Variants in ZNF827 observed in about 807,000 individuals in gnomAD.
ZNF827 encodes the protein zinc finger protein 827.
A neutral mutation model predicts 102.4 loss-of-function variants in ZNF827; 13 were observed. The ratio of observed to expected loss-of-function variants is 0.13; its 90% CI spans 0.08 to 0.20. The LOEUF (loss-of-function observed/expected upper bound fraction) is 0.20. Among genes scored for constraint, ZNF827 ranks in the 10% least tolerant of loss-of-function variants. The pLI is 1.00. For synonymous variants in ZNF827, 523 were observed against 536.2 expected (o/e 0.98, Z 0.34); for missense variants, 1,103 against 1,344.4 (o/e 0.82, Z 2.81).
At chr4:145,829,920 C>T (rs1258746328) in intron 7 of ZNF827, among the ~76,000 whole-genome samples, 1 of 152,138 alleles carries the variant, frequency 6.6e-6, no homozygotes, top group African/African-American at 2.4e-5. Context: ...TCACTTAGAC[C>T]TTGAGAAACC....
intron 7 of ZNF827, chr4:145,830,676 CAT>C (rs1347868528): frequency 6.6e-6 from 1 of 152,048 alleles, no homozygotes; most frequent in Non-Finnish European, 1.5e-5. Context: ...TGTTGTATAA[CAT>C]ATTTATAAGT....
At position 145,902,818 on chromosome 4, in the gene ZNF827, G is replaced by C. The variant is rs369114633; in HGVS notation, c.441C>G (p.Pro147=). ...AATANGRVES[P]VNVGSNLSFS... The stretch of plus-strand genomic sequence containing the variant: ...AGGAGAGGTTCGAGCCAACGTTTAC[G>C]GGGGACTCCACTCTGCCATTAGCCG... The change falls in exon 2 of 15, where the codon CCC becomes CCG. Residue 147 remains proline (P), a synonymous_variant. Transcript: ENST00000508784. This position sits in a 1 kb window ranked among gnomAD's most constrained non-coding sequence, Gnocchi z 4.3. 38 of 1,614,020 alleles carry C rather than the reference G, an allele frequency of 2.4e-5. No individual in the cohort carries two copies. The African/African-American group carries it at 2.7e-4, about 11-fold the overall frequency.
In ZNF827 at chr4:145,761,154, T is replaced by C. The variant is rs1338696122; in HGVS notation, c.*462A>G. ...CCGGGCCGGCCGGTTCCTTGGGGGCTGGACACAGGCCCTTCTTGTCCTCCT... is the reference window on the plus strand; with the variant it reads ...CCGGGCCGGCCGGTTCCTTGGGGGCCGGACACAGGCCCTTCTTGTCCTCCT... On this transcript the variant is annotated 3_prime_UTR_variant, in exon 15 of 15. Transcript: ENST00000508784. The surrounding 1 kb of genome is among the most constrained non-coding windows in gnomAD (Gnocchi z 6.8). 9.3e-6 allele frequency: 12 copies of C among 1,289,720 alleles called. No individual in the cohort carries two copies. Among genetic ancestry groups the C allele is most frequent in the Non-Finnish European group, 1.2e-5 (12 of 988,858 alleles). The allele number at this position is 1,289,720 out of a possible 1,614,324, so 79.9% of individuals were successfully genotyped here. A position where few individuals can be genotyped will look rare whatever the true frequency, so the allele number is the denominator to read the frequency against.
intron 8 of ZNF827, among the ~76,000 whole-genome samples, chr4:145,785,755 C>A (rs1414014702): frequency 6.6e-6 from 1 of 152,188 alleles, no homozygotes; most frequent in Non-Finnish European, 1.5e-5. Context: ...CGGTGTCATT[C>A]AAGCTCTTCC....
At chr4:145,889,855 T>A (rs1314841376) in intron 3 of ZNF827, among the ~76,000 whole-genome samples, 1 of 151,980 alleles carries the variant, frequency 6.6e-6, no homozygotes, top group East Asian at 1.9e-4. Flanking sequence ...CGGACGCCTG[T>A]AGTCCCAGCT....
chr4:145,849,248 T>TTA, intron 6 of ZNF827, 74 bp downstream of exon 6: 8 of 1,354,842 alleles, frequency 5.9e-6, no homozygotes, highest in South Asian at 4.4e-5. Context: ...TTTTTTTTTT[T>TTA]AAAAAAAACT....
rs761641974 is a variant in ZNF827 at position 145,902,176 on chromosome 4, G to A, written c.1083C>T (p.Pro361=). 18 of 1,595,844 alleles carry A rather than the reference G, an allele frequency of 1.1e-5. No homozygotes were observed. In the South Asian group the frequency reaches 2.1e-4, roughly 18 times the overall value. Residue 361 remains proline (P), a synonymous_variant, in exon 2 of 15, where the codon CCC becomes CCT. Transcript: ENST00000508784. The surrounding 1 kb of genome is among the most constrained non-coding windows in gnomAD (Gnocchi z 4.3). ...LPVPKGRVSK[P]SNSASEEESG... The stretch of plus-strand genomic sequence containing the variant: ...GAAAAGATGCCATACCTGAATTGGA[G>A]GGTTTAGAAACTCTTCCCTTAGGAA...
rs142116187 is a variant in ZNF827 at position 145,880,493 on chromosome 4, T to C, written c.1747+5185A>G. Among the ~76,000 whole-genome samples, 3 of 152,342 alleles carry C rather than the reference T, an allele frequency of 2.0e-5. No homozygotes were observed. The East Asian group carries it at 5.8e-4, about 29-fold the overall frequency. ...CAATCCAGGCCCCACTTACGTATAA[T>C]CCTCCAGGTCCCACTTACTTATAGT... On this transcript the variant is annotated intron_variant, in intron 4 of 14. Transcript: ENST00000508784.
intron 7 of ZNF827, among the ~76,000 whole-genome samples, chr4:145,827,070 A>G (rs889330346): frequency 3.3e-5 from 5 of 152,224 alleles, no homozygotes; most frequent in Non-Finnish European, 1.5e-5. Flanking sequence ...CTTGAAACAT[A>G]TTCCCTGTGT....
chr4:145,933,901 G>A (rs986115820), intron 1 of ZNF827, among the ~76,000 whole-genome samples: 3 of 152,048 alleles, frequency 2.0e-5, no homozygotes, highest in African/African-American at 4.8e-5. Context: ...GCGTGGTAAC[G>A]GTCACAGCAT....
At chr4:145,825,158 G>A (rs1374559611) in intron 7 of ZNF827, among the ~76,000 whole-genome samples, 2 of 152,208 alleles carry the variant, frequency 1.3e-5, no homozygotes, top group Admixed American at 1.3e-4. Flanking sequence ...ACGGGGCCTG[G>A]CCAGGGAGCC....
chr4:145,880,509 T>G (rs990581630), intron 4 of ZNF827, among the ~76,000 whole-genome samples: 6 of 152,240 alleles, frequency 3.9e-5, no homozygotes, highest in African/African-American at 1.4e-4. Flanking sequence ...AGGTCCCACT[T>G]ACTTATAGTC....
rs77030186 is a variant in ZNF827, at chr4:145,784,521, C to T, written c.2384-5010G>A. On this transcript the variant is annotated intron_variant, in intron 8 of 14. Coordinates refer to ENST00000508784, the MANE Select transcript of ZNF827 (RefSeq NM_001306215.2). ...TTCATTATCAACAGCAACAAGTGTA[C>T]ACCCAGCTGAACACATTTCCATCTT... Among the ~76,000 whole-genome samples the T allele has an allele frequency of 3.9e-5, 6 of 152,268 alleles. No homozygotes were observed. In the East Asian group the frequency reaches 1.2e-3, roughly 29 times the overall value.
chr4:145,847,527 C>T (rs1468503617), intron 6 of ZNF827, among the ~76,000 whole-genome samples: 1 of 152,022 alleles, frequency 6.6e-6, no homozygotes, highest in Non-Finnish European at 1.5e-5. Context: ...TCATAAGGGA[C>T]AAAAAAATAT....
At chr4:145,791,291 G>A (rs1739652890) in intron 8 of ZNF827, among the ~76,000 whole-genome samples, 1 of 152,092 alleles carries the variant, frequency 6.6e-6, no homozygotes, top group East Asian at 1.9e-4. Context: ...TTTTATAAGG[G>A]CCTCTTTTAT....
In ZNF827 at chr4:145,866,148, G is replaced by A. The variant is rs766686068; in HGVS notation, c.1981+4097C>T. Among the ~76,000 whole-genome samples, 4 of 152,208 alleles carry A rather than the reference G, an allele frequency of 2.6e-5. 1 individual carries two copies. The highest frequency in any genetic ancestry group is 5.9e-5 in the Non-Finnish European group (4 of 68,004). On this transcript the variant is annotated intron_variant, in intron 5 of 14. Transcript: ENST00000508784. ...AAGGCCCCACTGCATCTCTGCCCTT[G>A]GGATCCATAAGCCAATCCCAAACCT...
chr4:145,898,676 C>G (rs185424199), intron 2 of ZNF827, among the ~76,000 whole-genome samples: 2 of 152,158 alleles, frequency 1.3e-5, no homozygotes, highest in African/African-American at 4.8e-5. Flanking sequence ...AAACCTCCCC[C>G]TCAAGTGTCA....
intron 8 of ZNF827, among the ~76,000 whole-genome samples, chr4:145,809,885 C>A (rs1741843455): frequency 6.6e-6 from 1 of 152,180 alleles, no homozygotes; most frequent in Admixed American, 6.5e-5. Flanking sequence ...TGGGGAGACT[C>A]ATCTGAGTGA....
chr4:145,860,304 G>A (rs535610723), intron 5 of ZNF827, among the ~76,000 whole-genome samples: 1 of 152,198 alleles, frequency 6.6e-6, no homozygotes, highest in Admixed American at 6.5e-5. Flanking sequence ...TTGGAAACAC[G>A]CATGTGGACC....
Sources: gnomAD v4.1 joint callset for allele counts (sites outside exome capture counted in the v4.1 genomes callset) on GRCh38, gnomAD v4.1.1 for gene constraint, Gnocchi (gnomAD v3.1) non-coding constraint, MANE v1.5 for transcripts, NCBI Gene and HGNC (gene_info 2026-07-23, HGNC 2026-07-21) for gene names.